Variants in TTLL5 observed in about 807,000 individuals in gnomAD.
The protein encoded by TTLL5 is tubulin polyglutamylase TTLL5.
A neutral mutation model predicts 168.4 loss-of-function variants in TTLL5; 132 were observed. That is an observed-to-expected ratio of 0.78 (90% CI 0.68 to 0.91). The LOEUF is 0.91. Ranked by LOEUF, TTLL5 falls within the 40% of genes least tolerant of loss-of-function variation. The pLI, the probability that TTLL5 is intolerant of heterozygous loss-of-function variation, is 0.00. For missense variants in TTLL5, 1,545 were observed against 1,581.5 expected, an observed-to-expected ratio of 0.98 and a Z score of 0.39; for synonymous variants, 546 against 558.6, an observed-to-expected ratio of 0.98 and a Z score of 0.32.
intron 31 of TTLL5, among the ~76,000 whole-genome samples, chr14:75,920,502 T>C (rs1490214077): frequency 6.6e-6 from 1 of 152,190 alleles, no homozygotes; most frequent in Non-Finnish European, 1.5e-5. Context: ...ATGCGGTGTT[T>C]GGTTTTCTGC....
chr14:75,914,052 A>ATATATATATATATATATATATATATT (rs1304496430), intron 31 of TTLL5, among the ~76,000 whole-genome samples: 3 of 122,376 alleles, frequency 2.5e-5, no homozygotes, highest in East Asian at 5.2e-4. Context: ...ATATATATAT[A>ATATATATATATATATATATATATATT]TATTTTATCC....
At chr14:75,685,809 T>C (rs1421717047) in intron 5 of TTLL5, among the ~76,000 whole-genome samples, 1 of 152,160 alleles carries the variant, frequency 6.6e-6, no homozygotes, top group Non-Finnish European at 1.5e-5. Flanking sequence ...TTGAGGTAAT[T>C]TGTAACAGGG....
intron 26 of TTLL5, among the ~76,000 whole-genome samples, chr14:75,788,856 A>G (rs1221528858): frequency 6.6e-6 from 1 of 152,192 alleles, no homozygotes; most frequent in Non-Finnish European, 1.5e-5. Context: ...ATTTGAATCA[A>G]AATAAAAGCC....
At chr14:75,933,488 C>T (rs2034341491) in intron 31 of TTLL5, among the ~76,000 whole-genome samples, 1 of 152,146 alleles carries the variant, frequency 6.6e-6, no homozygotes, top group Non-Finnish European at 1.5e-5. Flanking sequence ...GTTATTATCT[C>T]ACAGTTCCCA....
intron 2 of TTLL5, among the ~76,000 whole-genome samples, chr14:75,667,303 G>A (rs758490001): frequency 1.6e-4 from 24 of 152,224 alleles, no homozygotes; most frequent in Non-Finnish European, 3.1e-4. Context: ...GGTAGCTAGT[G>A]CTAGATTGAC....
At chr14:75,914,055 T>TATATATATATATATATATA (rs2033509167) in intron 31 of TTLL5, among the ~76,000 whole-genome samples, 2 of 124,220 alleles carry the variant, frequency 1.6e-5, no homozygotes, top group African/African-American at 3.8e-5. Flanking sequence ...TATATATATA[T>TATATATATATATATATATA]TTTATCCCCT....
intron 17 of TTLL5, among the ~76,000 whole-genome samples, chr14:75,747,939 T>C (rs1351301046): frequency 6.6e-6 from 1 of 152,238 alleles, no homozygotes; most frequent in Non-Finnish European, 1.5e-5. Flanking sequence ...CAACTTCTTC[T>C]CCAGGACATT....
At chr14:75,752,839 A>C in intron 17 of TTLL5, 54 bp from the exon 18 acceptor site, 1 of 1,533,876 alleles carries the variant, frequency 6.5e-7, no homozygotes. Context: ...GTATTTCTAC[A>C]TTTTCCTCTT....
intron 21 of TTLL5, among the ~76,000 whole-genome samples, chr14:75,772,689 A>G (rs1245522261): frequency 6.8e-6 from 1 of 147,184 alleles, no homozygotes; most frequent in Non-Finnish European, 1.5e-5. Context: ...TTTTTTTGAG[A>G]CAGAGTCTTG....
At chr14:75,773,149 C>T (rs2140311440) in intron 21 of TTLL5, among the ~76,000 whole-genome samples, 1 of 152,258 alleles carries the variant, frequency 6.6e-6, no homozygotes, top group African/African-American at 2.4e-5. Context: ...CAGAAAACAA[C>T]TTATGAATTT....
chr14:75,730,872 A>C (rs1193589751), intron 12 of TTLL5, among the ~76,000 whole-genome samples: 2 of 151,950 alleles, frequency 1.3e-5, no homozygotes. Flanking sequence ...GGTGCCTGCC[A>C]CCACGCCCAG....
intron 6 of TTLL5, among the ~76,000 whole-genome samples, chr14:75,696,616 A>G (rs926868817): frequency 6.6e-6 from 1 of 152,256 alleles, no homozygotes; most frequent in Non-Finnish European, 1.5e-5. Context: ...CTTATAAATT[A>G]TATTTTTTGA....
intron 3 of TTLL5, among the ~76,000 whole-genome samples, chr14:75,678,706 A>C (rs1343034976): frequency 6.6e-6 from 1 of 152,160 alleles, no homozygotes; most frequent in Non-Finnish European, 1.5e-5. Flanking sequence ...AAAAATCTGC[A>C]GGAATATTGC....
intron 28 of TTLL5, among the ~76,000 whole-genome samples, chr14:75,858,390 A>T (rs1897240081): frequency 6.6e-6 from 1 of 152,208 alleles, no homozygotes; most frequent in Non-Finnish European, 1.5e-5. Context: ...ATAAGCAGTA[A>T]TATTTTCTTA....
At chr14:75,875,225 G>T (rs1254350738) in intron 29 of TTLL5, among the ~76,000 whole-genome samples, 1 of 149,080 alleles carries the variant, frequency 6.7e-6, no homozygotes, top group African/African-American at 2.5e-5. Flanking sequence ...GAGCCACTGC[G>T]CGCGGCCTAT....
At position 75,814,940 on chromosome 14, in the gene TTLL5, A is replaced by G. The variant is rs117239109; in HGVS notation, c.3172-5067A>G. On this transcript the variant is annotated intron_variant, in intron 27 of 31. Coordinates refer to ENST00000298832, the MANE Select transcript of TTLL5 (RefSeq NM_015072.5). ...GGGGTTACTGTATTGAACAGTGCAC[A>G]TTACAGAACATTTCCATTATCACAG... Among the ~76,000 whole-genome samples, 57 of 152,384 alleles carry G rather than the reference A, an allele frequency of 3.7e-4. No individual in the cohort carries two copies. The East Asian group carries it at 0.01, about 27-fold the overall frequency.
At chr14:75,837,167 A>C (rs1021497780) in intron 28 of TTLL5, 1 of 152,268 alleles carries the variant, frequency 6.6e-6, no homozygotes, top group Non-Finnish European at 1.5e-5. Context: ...GGGCTAGAGG[A>C]TCCACTTCCA....
intron 5 of TTLL5, among the ~76,000 whole-genome samples, chr14:75,686,439 G>T (rs541141951): frequency 2.0e-5 from 3 of 152,234 alleles, no homozygotes; most frequent in African/African-American, 7.2e-5. Context: ...GGCCTGTCTT[G>T]GGTCCCATCT....
At chr14:75,889,704 C>T (rs973483117) in intron 30 of TTLL5, among the ~76,000 whole-genome samples, 1 of 151,832 alleles carries the variant, frequency 6.6e-6, no homozygotes, top group African/African-American at 2.4e-5. Flanking sequence ...TGGCATGGCT[C>T]CTGTGGTCCC....
Sources: gnomAD v4.1 joint callset for allele counts (sites outside exome capture counted in the v4.1 genomes callset) on GRCh38, gnomAD v4.1.1 for gene constraint, MANE v1.5 for transcripts, NCBI Gene and HGNC (gene_info 2026-07-23, HGNC 2026-07-21) for gene names.